Variants in ACOX2 observed in about 807,000 individuals in gnomAD.
ACOX2 encodes the protein peroxisomal acyl-coenzyme A oxidase 2.
A neutral mutation model predicts 77.5 loss-of-function variants in ACOX2; 59 were observed. The observed-to-expected ratio is 0.76, with a 90% CI of 0.62 to 0.95. The LOEUF is 0.95. Ranked by LOEUF, ACOX2 falls within the 40% of genes least tolerant of loss-of-function variation. ACOX2 has a pLI of 0.00. For synonymous variants in ACOX2, 317 were observed against 340.1 expected (o/e 0.93, Z 0.75); for missense variants, 837 against 880.4 (o/e 0.95, Z 0.62).
rs2063291575 is a variant in ACOX2 at position 58,512,023 on chromosome 3, C to A, written c.1851-2998G>T. On this transcript the variant is annotated intron_variant, in intron 13 of 14. Transcript: ENST00000302819. The surrounding 1 kb of genome is among the most constrained non-coding windows in gnomAD (Gnocchi z 4.8). ...TTCTTCTCAAGGCTTTAAATATCAA[C>A]CATACGCCAATGACTTCCAAACTTA... Among the ~76,000 whole-genome samples, 1 of 152,192 alleles carries A rather than the reference C, an allele frequency of 6.6e-6. No homozygotes were observed. Among genetic ancestry groups the A allele is most frequent in the African/African-American group, 2.4e-5 (1 of 41,448 alleles).
chr3:58,534,737 C>T lies in ACOX2; in HGVS notation c.160+210G>A. On this transcript the variant is annotated intron_variant, in intron 2 of 14. Coordinates refer to ENST00000302819, the MANE Select transcript of ACOX2 (RefSeq NM_003500.4). This position sits in a 1 kb window ranked among gnomAD's most constrained non-coding sequence, Gnocchi z 4.8. ...ATTTTAGGACCAGAATCCAGGTCTTCTGCTGCCTAGGACTCTTCTATCCCC... is the reference window on the plus strand; with the variant it reads ...ATTTTAGGACCAGAATCCAGGTCTTTTGCTGCCTAGGACTCTTCTATCCCC... The T allele has an allele frequency of 7.4e-7, 1 of 1,349,556 alleles. No homozygotes were observed. The highest frequency in any genetic ancestry group is 1.2e-5 in the South Asian group (1 of 80,952). The allele number at this position is 1,349,556 out of a possible 1,614,324, so 83.6% of individuals were successfully genotyped here. A position where few individuals can be genotyped will look rare whatever the true frequency, so the allele number is the denominator to read the frequency against.
rs761025568 is a variant in ACOX2 at position 58,528,842 on chromosome 3, C to T, written c.1107G>A (p.Gln369=). 1.2e-6 allele frequency: 2 copies of T among 1,613,626 alleles called. No homozygotes were observed. Among genetic ancestry groups the T allele is most frequent in the Non-Finnish European group, 1.7e-6 (2 of 1,179,788 alleles). ...FLAVSLLEFF[Q]HSYTAILNQD... ...GGTTCAGAATGGCAGTGTAGGAGTG[C>T]TGGAAGAACTCCAAGAGGCTGACTG... Residue 369 remains glutamine (Q), a synonymous_variant, in exon 9 of 15, where the codon CAG becomes CAA. Coordinates refer to ENST00000302819, the MANE Select transcript of ACOX2 (RefSeq NM_003500.4). The surrounding 1 kb of genome is among the most constrained non-coding windows in gnomAD (Gnocchi z 5.6).
At chr3:58,530,256 T>G (rs1576999432) in intron 8 of ACOX2, among the ~76,000 whole-genome samples, 1 of 152,226 alleles carries the variant, frequency 6.6e-6, no homozygotes, top group African/African-American at 2.4e-5. Context: ...GGCCGGCTGG[T>G]CAGCCCTGTT....
Position 58,512,084 on chromosome 3 carries a change from T to C in ACOX2, c.1851-3059A>G, listed in dbSNP as rs1244811478. Among the ~76,000 whole-genome samples, 1 of 152,208 alleles carries C rather than the reference T, an allele frequency of 6.6e-6. No individual in the cohort carries two copies. Among genetic ancestry groups the C allele is most frequent in the Non-Finnish European group, 1.5e-5 (1 of 68,030 alleles). On this transcript the variant is annotated intron_variant, in intron 13 of 14. Coordinates refer to ENST00000302819, the MANE Select transcript of ACOX2 (RefSeq NM_003500.4). This position sits in a 1 kb window ranked among gnomAD's most constrained non-coding sequence, Gnocchi z 4.8. The stretch of plus-strand genomic sequence containing the variant: ...GTCCCCTGCTTACCAACATCTGTAC[T>C]TGGATTTCTGATAGGCTCTTCAAAA...
chr3:58,507,702 C>T (rs2063245206), intron 14 of ACOX2, among the ~76,000 whole-genome samples: 1 of 152,188 alleles, frequency 6.6e-6, no homozygotes, highest in Non-Finnish European at 1.5e-5. Flanking sequence ...GAAAAAGTAA[C>T]ACACTGGAAG....
At chr3:58,511,297 G>A in intron 13 of ACOX2, 1 of 347,582 alleles carries the variant, frequency 2.9e-6, no homozygotes, top group East Asian at 7.4e-5. Context: ...AGGCCTGGCT[G>A]GTTGCTGTCA....
intron 14 of ACOX2, among the ~76,000 whole-genome samples, chr3:58,506,798 A>G (rs760236497): frequency 2.0e-5 from 3 of 152,236 alleles, no homozygotes; most frequent in Non-Finnish European, 2.9e-5. Context: ...TCTCAAAAAT[A>G]ATAATAAATA....
intron 14 of ACOX2, among the ~76,000 whole-genome samples, chr3:58,506,768 GAT>G (rs2063237193): frequency 6.6e-6 from 1 of 152,020 alleles, no homozygotes; most frequent in Non-Finnish European, 1.5e-5. Flanking sequence ...TTTCAGCCTG[GAT>G]GACAGAGCGA....
chr3:58,531,822 G>A lies in ACOX2; in HGVS notation c.584-10C>T, dbSNP rs2063442685. 1 of 1,611,644 alleles carries A rather than the reference G, an allele frequency of 6.2e-7. No homozygotes were observed. Among genetic ancestry groups the A allele is most frequent in the Admixed American group, 1.7e-5 (1 of 59,590 alleles). On this transcript the variant is annotated splice_polypyrimidine_tract_variant and intron_variant, in intron 5 of 14. Transcript: ENST00000302819. The surrounding 1 kb of genome is among the most constrained non-coding windows in gnomAD (Gnocchi z 5.8). ...GTGGCTGACCGTCCCACTGAGGGCA[G>A]AGAGAGTAGCGGCCCGTCACAGGAA...
At position 58,515,491 on chromosome 3, in the gene ACOX2, C is replaced by G. The variant is rs1238410811; in HGVS notation, c.1850+1715G>C. Reference sequence around the variant, plus strand: ...ATTACAAATCTTTTAGAGACAGGGTCTCACTATGTTGCCCAAGCTAGTCTT... The same window carrying G: ...ATTACAAATCTTTTAGAGACAGGGTGTCACTATGTTGCCCAAGCTAGTCTT... On this transcript the variant is annotated intron_variant, in intron 13 of 14. Transcript: ENST00000302819. The surrounding 1 kb of genome is among the most constrained non-coding windows in gnomAD (Gnocchi z 4.0). Among the ~76,000 whole-genome samples, 1 of 151,786 alleles carries G rather than the reference C, an allele frequency of 6.6e-6. No individual in the cohort carries two copies. Among genetic ancestry groups the G allele is most frequent in the Admixed American group, 6.6e-5 (1 of 15,224 alleles).
chr3:58,529,020 G>A (rs1299233277), intron 8 of ACOX2, 64 bp from the exon 9 acceptor site: 11 of 1,470,700 alleles, frequency 7.5e-6, no homozygotes, highest in South Asian at 1.5e-5. Flanking sequence ...CCCTATCCCC[G>A]ACACCATAAA....
Position 58,522,429 on chromosome 3 carries a change from T to G in ACOX2, c.1632+67A>C. 6.6e-7 allele frequency: 1 copy of G among 1,507,332 alleles called. No homozygotes were observed. Among genetic ancestry groups the G allele is most frequent in the Admixed American group, 1.7e-5 (1 of 58,120 alleles). The allele number at this position is 1,507,332 out of a possible 1,614,324, so 93.4% of individuals were successfully genotyped here. On this transcript the variant is annotated intron_variant, in intron 12 of 14. Transcript: ENST00000302819. This position sits in a 1 kb window ranked among gnomAD's most constrained non-coding sequence, Gnocchi z 4.3. Reference sequence around the variant, plus strand: ...GGGAATAATGGCAGAGCCCGGATTTTCCCAGCAGGGTAGCCTGCCTGGGAA... The same window carrying G: ...GGGAATAATGGCAGAGCCCGGATTTGCCCAGCAGGGTAGCCTGCCTGGGAA...
chr3:58,533,435 G>A lies in ACOX2; in HGVS notation c.583+10C>T, dbSNP rs550291154. ...GGAGAGTTAAGGAAGGGGGGTGGATGTATACTCACAGTCTCCAGGCCACCA... is the reference window on the plus strand; with the variant it reads ...GGAGAGTTAAGGAAGGGGGGTGGATATATACTCACAGTCTCCAGGCCACCA... On this transcript the variant is annotated intron_variant, in intron 5 of 14. Coordinates refer to ENST00000302819, the MANE Select transcript of ACOX2 (RefSeq NM_003500.4). This position sits in a 1 kb window ranked among gnomAD's most constrained non-coding sequence, Gnocchi z 5.6. 3.1e-6 allele frequency: 5 copies of A among 1,610,680 alleles called. No individual in the cohort carries two copies. The Admixed American group carries it at 6.7e-5, about 21-fold the overall frequency.
chr3:58,529,867 TCA>T (rs2063423748), intron 8 of ACOX2, among the ~76,000 whole-genome samples: 1 of 152,178 alleles, frequency 6.6e-6, no homozygotes, highest in Non-Finnish European at 1.5e-5. Flanking sequence ...AGCTGAGTGT[TCA>T]CAGAGGGTTC....
chr3:58,531,906 G>A lies in ACOX2; in HGVS notation c.584-94C>T. On this transcript the variant is annotated intron_variant, in intron 5 of 14. Coordinates refer to ENST00000302819, the MANE Select transcript of ACOX2 (RefSeq NM_003500.4). This position sits in a 1 kb window ranked among gnomAD's most constrained non-coding sequence, Gnocchi z 5.8. Reference sequence around the variant, plus strand: ...CTCCTGGGGCTGGGGTTTTGGATGGGTACCTCTGGGGCCCTGAAAAGTCAC... The same window carrying A: ...CTCCTGGGGCTGGGGTTTTGGATGGATACCTCTGGGGCCCTGAAAAGTCAC... 1 of 1,458,204 alleles carries A rather than the reference G, an allele frequency of 6.9e-7. No homozygotes were observed. The highest frequency in any genetic ancestry group is 9.0e-7 in the Non-Finnish European group (1 of 1,108,326). 90.3% of individuals were successfully genotyped at this position (1,458,204 alleles called of 1,614,324 possible).
At chr3:58,532,707 G>A (rs868403324) in intron 5 of ACOX2, among the ~76,000 whole-genome samples, 15 of 152,026 alleles carry the variant, frequency 9.9e-5, no homozygotes, top group Non-Finnish European at 8.8e-5. Context: ...TTATGTCTCT[G>A]GTCTCTGCCT....
Position 58,522,496 on chromosome 3 carries a change from C to G in ACOX2, c.1632G>C (p.Lys544Asn). ...TCAGCTTCAGCTGGCAGGCGCTCAC[C>G]TTAGCAGCCTGGAGGTGTATGACAG... ...QTTVIHLQAAKVHCYYVTVKG... is the reference protein window; with the variant it reads ...QTTVIHLQAANVHCYYVTVKG... The change falls in exon 12 of 15, where the codon AAG (lysine) becomes AAC (asparagine). Residue 544 changes from lysine to asparagine, a missense_variant and splice_region_variant. Transcript: ENST00000302819. This position sits in a 1 kb window ranked among gnomAD's most constrained non-coding sequence, Gnocchi z 4.3. 1.9e-6 allele frequency: 3 copies of G among 1,614,040 alleles called. No individual in the cohort carries two copies. The highest frequency in any genetic ancestry group is 2.5e-6 in the Non-Finnish European group (3 of 1,179,898).
At chr3:58,527,547 A>AAAAAAAAAAAAAG (rs1247928031) in intron 9 of ACOX2, among the ~76,000 whole-genome samples, 1 of 151,542 alleles carries the variant, frequency 6.6e-6, no homozygotes, top group East Asian at 1.9e-4. Flanking sequence ...AAAAAAAAAA[A>AAAAAAAAAAAAAG]AAAGAAAGAA....
rs1365788682 is a variant in ACOX2, at chr3:58,519,429, C to T, written c.1633-2006G>A. Among the ~76,000 whole-genome samples, 2 of 151,926 alleles carry T rather than the reference C, an allele frequency of 1.3e-5. No individual in the cohort carries two copies. Among genetic ancestry groups the T allele is most frequent in the African/African-American group, 2.4e-5 (1 of 41,338 alleles). ...GGGGGTTCAAAGGAGTTCACCCAGG[C>T]GGACATGAGTTGGGGGAAAGGTCAT... On this transcript the variant is annotated intron_variant, in intron 12 of 14. Transcript: ENST00000302819. The surrounding 1 kb of genome is among the most constrained non-coding windows in gnomAD (Gnocchi z 5.0).
Sources: allele counts gnomAD v4.1 joint callset (sites outside exome capture counted in the v4.1 genomes callset), GRCh38; gene constraint gnomAD v4.1.1; non-coding constraint Gnocchi (gnomAD v3.1); transcripts MANE v1.5; gene names NCBI Gene and HGNC (gene_info 2026-07-23, HGNC 2026-07-21).